ERC2: variants seen among roughly 807,000 people sequenced by gnomAD.
ERC2 encodes ELKS/RAB6-interacting/CAST family member 2.
In ERC2, 42 loss-of-function variants were observed where a neutral mutation model predicts 114.8. That is an observed-to-expected ratio of 0.37 (90% CI 0.29 to 0.47). ERC2 has a LOEUF of 0.47. ERC2 is among the 20% of genes least tolerant of loss of function. ERC2 has a pLI of 0.99. For missense variants in ERC2, 939 were observed against 1,150.7 expected (o/e 0.82, Z 2.66); for synonymous variants, 454 against 425.5 (o/e 1.07, Z -0.82).
intron 13 of ERC2, among the ~76,000 whole-genome samples, chr3:55,924,129 AAAC>A (rs755114418): frequency 2.0e-5 from 3 of 152,142 alleles, no homozygotes; most frequent in Non-Finnish European, 4.4e-5. Context: ...ACCTTGGATC[AAAC>A]AACACAAAAA....
intron 14 of ERC2, among the ~76,000 whole-genome samples, chr3:55,836,126 A>G (rs1174137956): frequency 1.3e-5 from 2 of 151,756 alleles, no homozygotes; most frequent in Admixed American, 1.3e-4. Flanking sequence ...ATGGAAGAAC[A>G]TTCCATGCTC....
intron 17 of ERC2, among the ~76,000 whole-genome samples, chr3:55,530,607 G>A (rs542896490): frequency 1.3e-5 from 2 of 152,230 alleles, no homozygotes; most frequent in South Asian, 4.1e-4. Flanking sequence ...AAATCTCCCT[G>A]CGAGAACCTC....
At chr3:55,894,990 C>T (rs544402878) in intron 13 of ERC2, among the ~76,000 whole-genome samples, 13 of 152,334 alleles carry the variant, frequency 8.5e-5, no homozygotes, top group African/African-American at 3.1e-4. Flanking sequence ...TACCCCTGGA[C>T]TGCCCTACAT....
intron 2 of ERC2, among the ~76,000 whole-genome samples, chr3:56,335,325 A>G (rs1165571199): frequency 6.6e-6 from 1 of 152,258 alleles, no homozygotes; most frequent in Non-Finnish European, 1.5e-5. Context: ...TCCTCAAGTT[A>G]GTACATAAAT....
chr3:55,886,158 A>G (rs1379097028), intron 14 of ERC2, among the ~76,000 whole-genome samples: 1 of 152,232 alleles, frequency 6.6e-6, no homozygotes, highest in East Asian at 1.9e-4. Context: ...TGAACAGGAA[A>G]GAATACAGGC....
intron 13 of ERC2, among the ~76,000 whole-genome samples, chr3:55,902,911 T>C (rs2064219973): frequency 6.6e-6 from 1 of 152,208 alleles, no homozygotes; most frequent in Non-Finnish European, 1.5e-5. Flanking sequence ...CCCACTCCTA[T>C]AAAAACAACC....
chr3:56,059,699 A>C (rs2076170246), intron 7 of ERC2, among the ~76,000 whole-genome samples: 1 of 152,222 alleles, frequency 6.6e-6, no homozygotes, highest in Non-Finnish European at 1.5e-5. Flanking sequence ...TTAGTGTTGT[A>C]GGAAAAAACA....
At chr3:55,745,551 C>T (rs575875652) in intron 14 of ERC2, among the ~76,000 whole-genome samples, 23 of 152,226 alleles carry the variant, frequency 1.5e-4, no homozygotes, top group Admixed American at 2.0e-4. Flanking sequence ...TTGTTATTCC[C>T]GTTCAGTAAT....
rs140408086 is a variant in ERC2, at chr3:55,563,421, A to T, written c.*40-52145T>A. ...CCTGGACACTCTTCACTTTGTCACA[A>T]GCATGAAGAAACTAACTTACTTCTT... On this transcript the variant is annotated intron_variant, in intron 17 of 17. Transcript: ENST00000288221. Among the ~76,000 whole-genome samples the T allele has an allele frequency of 9.8e-3, 1,492 of 151,974 alleles. 8 individuals are homozygous for T. The highest frequency in any genetic ancestry group is 0.014 in the Non-Finnish European group (937 of 67,990).
chr3:55,615,588 C>A (rs941672776), intron 17 of ERC2, among the ~76,000 whole-genome samples: 1 of 151,874 alleles, frequency 6.6e-6, no homozygotes, highest in African/African-American at 2.4e-5. Flanking sequence ...TCTTAGCATC[C>A]GCGAAATAAA....
intron 14 of ERC2, among the ~76,000 whole-genome samples, chr3:55,843,659 A>G (rs552587963): frequency 2.0e-5 from 3 of 152,316 alleles, no homozygotes; most frequent in African/African-American, 7.2e-5. Flanking sequence ...TAAATGTGGA[A>G]TGTTTGCAGG....
chr3:55,647,398 T>G (rs779292105), intron 17 of ERC2, among the ~76,000 whole-genome samples: 1 of 152,184 alleles, frequency 6.6e-6, no homozygotes, highest in African/African-American at 2.4e-5. Flanking sequence ...GCTGTTCGTA[T>G]AAATGTGAAC....
intron 14 of ERC2, among the ~76,000 whole-genome samples, chr3:55,761,230 G>A (rs1216303495): frequency 6.6e-6 from 1 of 152,090 alleles, no homozygotes; most frequent in African/African-American, 2.4e-5. Context: ...TCTATAAAAG[G>A]CCAGAGAGTA....
chr3:55,825,340 G>T (rs1388873341), intron 14 of ERC2, among the ~76,000 whole-genome samples: 1 of 152,038 alleles, frequency 6.6e-6, no homozygotes, highest in African/African-American at 2.4e-5. Flanking sequence ...CAAATAAAAC[G>T]GTTATATGGT....
intron 8 of ERC2, among the ~76,000 whole-genome samples, chr3:56,015,865 A>G (rs956769382): frequency 6.6e-6 from 1 of 152,170 alleles, no homozygotes; most frequent in Non-Finnish European, 1.5e-5. Flanking sequence ...CCTCACCAGC[A>G]TCTGTTGTTT....
At chr3:55,640,657 G>A (rs1343202049) in intron 17 of ERC2, among the ~76,000 whole-genome samples, 2 of 152,176 alleles carry the variant, frequency 1.3e-5, no homozygotes, top group African/African-American at 4.8e-5. Context: ...CATTGAATGA[G>A]AGGGGACAGA....
chr3:55,639,002 A>G (rs1448436539), intron 17 of ERC2, among the ~76,000 whole-genome samples: 1 of 152,204 alleles, frequency 6.6e-6, no homozygotes, highest in African/African-American at 2.4e-5. Flanking sequence ...CTCCCTTGAC[A>G]ATACCTGAGC....
At chr3:56,344,968 C>T (rs1390026364) in intron 2 of ERC2, among the ~76,000 whole-genome samples, 1 of 152,158 alleles carries the variant, frequency 6.6e-6, no homozygotes, top group African/African-American at 2.4e-5. Flanking sequence ...TCAGCAAGAC[C>T]ACTTACAGCA....
chr3:55,877,433 C>A (rs1047249533), intron 14 of ERC2, among the ~76,000 whole-genome samples: 3 of 152,124 alleles, frequency 2.0e-5, no homozygotes, highest in Non-Finnish European at 2.9e-5. Flanking sequence ...AGGCTATGAA[C>A]TAGAGTGCTC....
Sources: allele counts gnomAD v4.1 joint callset (sites outside exome capture counted in the v4.1 genomes callset), GRCh38; gene constraint gnomAD v4.1.1; transcripts MANE v1.5; gene names NCBI Gene and HGNC (gene_info 2026-07-23, HGNC 2026-07-21).